The following ARL8B variants were observed in gnomAD, a reference collection of about 807,000 sequenced individuals.
ARL8B encodes the protein ARF like GTPase 8B, also known as ADP-ribosylation factor-like protein 8B.
In ARL8B, 9 loss-of-function variants were observed where a neutral mutation model predicts 30.6. The ratio of observed to expected loss-of-function variants is 0.29; its 90% confidence interval spans 0.18 to 0.51. ARL8B has a LOEUF of 0.51. Ranked by LOEUF, ARL8B falls within the 20% of genes least tolerant of loss-of-function variation. The pLI, the probability that ARL8B is intolerant of heterozygous loss-of-function variation, is 0.97. For missense variants in ARL8B, 130 were observed against 227.2 expected (o/e 0.57, Z 2.75); for synonymous variants, 74 against 76.0 (o/e 0.97, Z 0.14).
intron 1 of ARL8B, chr3:5,128,582 A>G: frequency 2.8e-6 from 1 of 355,864 alleles, no homozygotes; most frequent in Non-Finnish European, 5.6e-6. Context: ...TTTCAAAGAT[A>G]TAGTAAGTGG....
chr3:5,130,534 GTT>G (rs1363707680), intron 1 of ARL8B, among the ~76,000 whole-genome samples: 3 of 143,674 alleles, frequency 2.1e-5, no homozygotes. Context: ...GTGTGTGTGT[GTT>G]TTTTTTTTTG....
At chr3:5,151,643 A>G (rs1030581651) in intron 1 of ARL8B, among the ~76,000 whole-genome samples, 3 of 151,996 alleles carry the variant, frequency 2.0e-5, no homozygotes, top group Non-Finnish European at 2.9e-5. Flanking sequence ...GTTTAATTCC[A>G]TTATGGTGAA....
intron 1 of ARL8B, among the ~76,000 whole-genome samples, chr3:5,129,639 C>G (rs2054264333): frequency 6.6e-6 from 1 of 152,114 alleles, no homozygotes; most frequent in African/African-American, 2.4e-5. Flanking sequence ...CTCCTGGGCC[C>G]TGGCTCAAGA....
intron 1 of ARL8B, among the ~76,000 whole-genome samples, chr3:5,152,228 A>G (rs1240644122): frequency 3.9e-5 from 6 of 152,114 alleles, no homozygotes; most frequent in Admixed American, 1.3e-4. Flanking sequence ...TTTCAATTCT[A>G]TCAATTTTTG....
chr3:5,178,563 G>T, intron 6 of ARL8B, 101 bp from the exon 7 acceptor site: 3 of 1,129,582 alleles, frequency 2.7e-6, no homozygotes, highest in Non-Finnish European at 2.6e-6. Flanking sequence ...GCAGAGGTCA[G>T]GCATAGTGTG....
intron 2 of ARL8B, 21 bp downstream of exon 2, chr3:5,170,604 C>T (rs367692007): frequency 1.8e-4 from 279 of 1,576,664 alleles, no homozygotes; most frequent in African/African-American, 7.6e-4. Context: ...TCTTGCCGTA[C>T]GCAATTTAAA....
At chr3:5,167,554 TC>T (rs985998361) in intron 1 of ARL8B, among the ~76,000 whole-genome samples, 2 of 151,896 alleles carry the variant, frequency 1.3e-5, no homozygotes, top group Admixed American at 6.6e-5. Flanking sequence ...TTCTACTCTT[TC>T]CCCCCCAAGT....
Position 5,174,629 on chromosome 3 carries a change from A to ATC in ARL8B, c.511+228_511+229dup, listed in dbSNP as rs149027177. 9.0e-3 allele frequency among the ~76,000 whole-genome samples: 1,331 copies of ATC among 147,212 alleles called. 20 individuals are homozygous for ATC. Among genetic ancestry groups the ATC allele is most frequent in the African/African-American group, 0.031 (1,238 of 40,134 alleles). ...ATGGCTTCTTTGAAATTGCAATGTT[A>ATC]TCTCTCTCTCTCTCATACAAATATA... On this transcript the variant is annotated intron_variant, in intron 6 of 6. Coordinates refer to ENST00000256496, the MANE Select transcript of ARL8B (RefSeq NM_018184.3).
At chr3:5,161,477 T>C (rs1239750325) in intron 1 of ARL8B, among the ~76,000 whole-genome samples, 2 of 152,192 alleles carry the variant, frequency 1.3e-5, no homozygotes, top group Non-Finnish European at 1.5e-5. Context: ...TCTTAAGGGT[T>C]TGAGTGGGTC....
Position 5,140,460 on chromosome 3 carries a change from G to A in ARL8B, c.123+17872G>A, listed in dbSNP as rs781668238. ...GTGATTGTGAGGCCTCCCCAGCCAT[G>A]TGGAACTGTGAGTCAATTAAACCTC... is the stretch of plus-strand genomic sequence containing the variant. On this transcript the variant is annotated intron_variant, in intron 1 of 6. Transcript: ENST00000256496. Among the ~76,000 whole-genome samples the A allele has an allele frequency of 4.3e-4, 65 of 152,070 alleles. 1 individual carries two copies. Among genetic ancestry groups the A allele is most frequent in the Non-Finnish European group, 2.9e-4 (20 of 68,032 alleles).
At chr3:5,130,004 C>T (rs908655238) in intron 1 of ARL8B, among the ~76,000 whole-genome samples, 1 of 152,042 alleles carries the variant, frequency 6.6e-6, no homozygotes, top group African/African-American at 2.4e-5. Context: ...GGTGGGACTA[C>T]AGGCACGTGC....
intron 1 of ARL8B, among the ~76,000 whole-genome samples, chr3:5,153,456 C>G (rs1286898625): frequency 1.3e-5 from 2 of 152,140 alleles, no homozygotes; most frequent in East Asian, 3.8e-4. Context: ...TGCTTGCCTT[C>G]CACCGTGATT....
intron 1 of ARL8B, among the ~76,000 whole-genome samples, chr3:5,135,647 C>T (rs901035478): frequency 1.3e-5 from 2 of 151,662 alleles, no homozygotes; most frequent in African/African-American, 2.4e-5. Flanking sequence ...TTGGTAGAGA[C>T]GGAGTTTCAC....
At chr3:5,143,446 T>A (rs2054392489) in intron 1 of ARL8B, among the ~76,000 whole-genome samples, 1 of 152,232 alleles carries the variant, frequency 6.6e-6, no homozygotes, top group African/African-American at 2.4e-5. Flanking sequence ...GCAATCCACT[T>A]CTTCAGGATC....
intron 1 of ARL8B, among the ~76,000 whole-genome samples, chr3:5,168,145 A>G (rs1303868087): frequency 6.6e-6 from 1 of 152,046 alleles, no homozygotes; most frequent in African/African-American, 2.4e-5. Flanking sequence ...TATCGTTCTT[A>G]AGATCTCAAC....
At chr3:5,170,356 C>T in intron 1 of ARL8B, 147 bp from the exon 2 acceptor site, 1 of 443,800 alleles carries the variant, frequency 2.3e-6, no homozygotes, top group Non-Finnish European at 4.0e-6. Context: ...AGAATTATGG[C>T]CATAAGGAAC....
chr3:5,133,015 C>T (rs1363746627), intron 1 of ARL8B, among the ~76,000 whole-genome samples: 3 of 152,178 alleles, frequency 2.0e-5, no homozygotes, highest in East Asian at 1.9e-4. Flanking sequence ...ACAAATATGT[C>T]AAGCAGTGTT....
chr3:5,123,485 A>G lies in ARL8B; in HGVS notation c.123+897A>G, dbSNP rs544108794. ...GCTTGTTTGGTTGGTTGGGAAATAA[A>G]TAGGAGTGAAAGATTTCGCCTCGAT... On this transcript the variant is annotated intron_variant, in intron 1 of 6. Transcript: ENST00000256496. Among the ~76,000 whole-genome samples the G allele has an allele frequency of 4.6e-5, 7 of 152,304 alleles. No individual in the cohort carries two copies. In the South Asian group the frequency reaches 1.5e-3, roughly 32 times the overall value.
chr3:5,146,358 A>G (rs546404402), intron 1 of ARL8B, among the ~76,000 whole-genome samples: 46 of 152,326 alleles, frequency 3.0e-4, no homozygotes, highest in Admixed American at 2.4e-3. Context: ...GCACCAATCT[A>G]TACGACCCAT....
Sources: allele counts gnomAD v4.1 joint callset (sites outside exome capture counted in the v4.1 genomes callset), GRCh38; gene constraint gnomAD v4.1.1; transcripts MANE v1.5; gene names NCBI Gene and HGNC (gene_info 2026-07-23, HGNC 2026-07-21).